C16orf95: variants seen among roughly 807,000 people sequenced by gnomAD.
C16orf95 encodes the protein uncharacterized protein C16orf95.
Under a neutral mutation model 32.1 loss-of-function variants are expected in C16orf95, and 41 were observed. That is an observed-to-expected ratio of 1.28 (90% CI 1.00 to 1.66). The LOEUF (loss-of-function observed/expected upper bound fraction) is 1.66, where lower values mean the gene tolerates loss of function less well. Ranked by LOEUF, C16orf95 falls within the 40% of genes most tolerant of loss-of-function variation. The pLI is 0.00. For synonymous variants in C16orf95, 147 were observed against 128.9 expected (o/e 1.14, Z -0.95); for missense variants, 399 against 325.9 (o/e 1.22, Z -1.73).
At chr16:87,304,336 G>A (rs1052427466) in intron 6 of C16orf95, among the ~76,000 whole-genome samples, 1 of 152,154 alleles carries the variant, frequency 6.6e-6, no homozygotes, top group African/African-American at 2.4e-5. Flanking sequence ...ATCCAGGTGT[G>A]GGCCACTGTG....
intron 3 of C16orf95, among the ~76,000 whole-genome samples, chr16:87,313,384 T>C (rs1378912470): frequency 6.6e-6 from 1 of 152,166 alleles, no homozygotes; most frequent in Non-Finnish European, 1.5e-5. Context: ...TGAACAACTG[T>C]CAGTCCACTT....
chr16:87,303,833 G>A (rs971422089), intron 6 of C16orf95, among the ~76,000 whole-genome samples: 1 of 152,084 alleles, frequency 6.6e-6, no homozygotes, highest in African/African-American at 2.4e-5. Context: ...ACAAGAGCAT[G>A]CCCAGGCCCT....
intron 1 of C16orf95, 22 bp from the exon 2 acceptor site, chr16:87,315,845 G>T (rs759078167): frequency 8.9e-5 from 136 of 1,521,746 alleles, no homozygotes; most frequent in Non-Finnish European, 1.2e-4. Flanking sequence ...GAACAGAAAA[G>T]CTTAGGGTTT....
intron 3 of C16orf95, among the ~76,000 whole-genome samples, chr16:87,311,744 C>T (rs1413173556): frequency 2.0e-5 from 3 of 152,244 alleles, no homozygotes; most frequent in East Asian, 1.9e-4. Context: ...GCCTTTGATG[C>T]GGCAATTCCA....
intron 2 of C16orf95, 65 bp downstream of exon 2, chr16:87,315,707 G>A (rs1597348243): frequency 8.7e-6 from 11 of 1,260,270 alleles, no homozygotes; most frequent in South Asian, 7.6e-5. Context: ...CACATTCCCT[G>A]CTCTCCTCAC....
chr16:87,316,651 G>C (rs371549599), intron 1 of C16orf95, among the ~76,000 whole-genome samples: 25 of 151,010 alleles, frequency 1.7e-4, no homozygotes, highest in South Asian at 1.2e-3. Context: ...TGGTGGGGAG[G>C]GGGGGGGCCA....
intron 5 of C16orf95, among the ~76,000 whole-genome samples, chr16:87,307,925 A>T (rs902475207): frequency 4.6e-5 from 7 of 152,220 alleles, no homozygotes; most frequent in African/African-American, 1.7e-4. Flanking sequence ...GTCTTTTTTT[A>T]CATCATTAAC....
At position 87,311,216 on chromosome 16, in the gene C16orf95, G is replaced by A; in HGVS notation, c.411C>T (p.Leu137=). The A allele has an allele frequency of 3.9e-6, 6 of 1,535,916 alleles. No homozygotes were observed. Among genetic ancestry groups the A allele is most frequent in the Non-Finnish European group, 5.2e-6 (6 of 1,146,706 alleles). ...TCACTGCCTGGTCCCTAGGCATCGG[G>A]AGGCGGCCCCCAAAGCGGTGGCATA... ...PCLCHRFGGR[L]PMPRDQAVMP... is the part of the protein sequence containing the mutation. Residue 137 remains leucine, a synonymous_variant, in exon 4 of 7, where the codon CTC becomes CTT. Transcript: ENST00000567970.
chr16:87,316,682 G>A (rs1051978450), intron 1 of C16orf95, among the ~76,000 whole-genome samples: 2 of 152,092 alleles, frequency 1.3e-5, no homozygotes, highest in South Asian at 4.2e-4. Flanking sequence ...AGTCCTTGTA[G>A]TTCAGGTGGG....
At position 87,317,201 on chromosome 16, in the gene C16orf95, G is replaced by C. The variant is rs1904387749; in HGVS notation, c.42C>G (p.His14Gln). Residue 14 changes from histidine (H) to glutamine (Q), a missense_variant, in exon 1 of 7, where the codon CAC (histidine) becomes CAG (glutamine). Coordinates refer to ENST00000567970, the MANE Select transcript of C16orf95 (RefSeq NM_001195124.3). ...SRSPPSPRRC[H>Q]HHHEATGAAS... The stretch of plus-strand genomic sequence containing the variant: ...CTGCTCCAGTGGCCTCATGATGATG[G>C]TGACAACGCCGCGGGGACGGTGGGG... 1.3e-6 allele frequency: 2 copies of C among 1,531,060 alleles called. No homozygotes were observed. Among genetic ancestry groups the C allele is most frequent in the Admixed American group, 2.0e-5 (1 of 50,178 alleles). 94.8% of individuals were successfully genotyped at this position (1,531,060 alleles called of 1,614,324 possible).
In C16orf95 at chr16:87,305,612, A is replaced by G; in HGVS notation, c.701+107T>C. 2 of 1,026,958 alleles carry G rather than the reference A, an allele frequency of 1.9e-6. No individual in the cohort carries two copies. The highest frequency in any genetic ancestry group is 3.0e-5 in the Admixed American group (1 of 32,902). 63.6% of individuals were successfully genotyped at this position (1,026,958 alleles called of 1,614,324 possible). A position where few individuals can be genotyped will look rare whatever the true frequency, so the allele number is the denominator to read the frequency against. ...CCGGGCCTTGGACGCCTGTCAAGTT[A>G]AGCCCCACCCCCCACTCTTCCACAT... is the stretch of plus-strand genomic sequence containing the variant. On this transcript the variant is annotated intron_variant, in intron 6 of 6. Coordinates refer to ENST00000567970, the MANE Select transcript of C16orf95 (RefSeq NM_001195124.3). This position sits in a 1 kb window ranked among gnomAD's most constrained non-coding sequence, Gnocchi z 4.2.
Position 87,305,115 on chromosome 16 carries a change from T to A in C16orf95, c.701+604A>T, listed in dbSNP as rs1185861022. On this transcript the variant is annotated intron_variant, in intron 6 of 6. Coordinates refer to ENST00000567970, the MANE Select transcript of C16orf95 (RefSeq NM_001195124.3). This position sits in a 1 kb window ranked among gnomAD's most constrained non-coding sequence, Gnocchi z 4.2. ...GTAAAGGAGTAAGAGGAAGTAGCTG[T>A]TCCCCGAAGCCCAGCTGTGGCCCGG... 6.6e-6 allele frequency among the ~76,000 whole-genome samples: 1 copy of A among 152,152 alleles called. No homozygotes were observed. Among genetic ancestry groups the A allele is most frequent in the Non-Finnish European group, 1.5e-5 (1 of 68,006 alleles).
At chr16:87,314,879 A>C in intron 3 of C16orf95, 92 bp downstream of exon 3, 1 of 1,056,872 alleles carries the variant, frequency 9.5e-7, no homozygotes, top group Non-Finnish European at 1.3e-6. Context: ...TAAAATATCC[A>C]TTCATATAAT....
chr16:87,308,464 G>T (rs1409076603), intron 5 of C16orf95, among the ~76,000 whole-genome samples: 2 of 150,716 alleles, frequency 1.3e-5, no homozygotes, highest in Non-Finnish European at 2.9e-5. Context: ...GTGACAAAGT[G>T]AGACTGCATC....
chr16:87,305,723 T>C lies in C16orf95; in HGVS notation c.697A>G (p.Ile233Val), dbSNP rs1910988767. 5.3e-6 allele frequency: 8 copies of C among 1,503,064 alleles called. No homozygotes were observed. The highest frequency in any genetic ancestry group is 7.1e-6 in the Non-Finnish European group (8 of 1,131,656). The allele number at this position is 1,503,064 out of a possible 1,614,324, so 93.1% of individuals were successfully genotyped here. A position where few individuals can be genotyped will look rare whatever the true frequency, so the allele number is the denominator to read the frequency against. ...LQAIPRVIMA[I>V]RQCFGV is the part of the protein sequence containing the mutation. ...CCCCATCCCCCACCTGCTCACCGAATGGCCATGATGACCCTCGGGATGGCC... is the reference window on the plus strand; with the variant it reads ...CCCCATCCCCCACCTGCTCACCGAACGGCCATGATGACCCTCGGGATGGCC... The change falls in exon 6 of 7, where the codon ATT becomes GTT. Residue 233 changes from isoleucine (I) to valine (V), a missense_variant. Transcript: ENST00000567970. The surrounding 1 kb of genome is among the most constrained non-coding windows in gnomAD (Gnocchi z 4.2).
At chr16:87,314,071 A>C (rs1384930339) in intron 3 of C16orf95, among the ~76,000 whole-genome samples, 1 of 152,180 alleles carries the variant, frequency 6.6e-6, no homozygotes, top group Admixed American at 6.5e-5. Flanking sequence ...AGACACTGCT[A>C]GTAGAGATGT....
intron 6 of C16orf95, among the ~76,000 whole-genome samples, chr16:87,304,784 C>A (rs1256683217): frequency 6.6e-6 from 1 of 152,224 alleles, no homozygotes; most frequent in African/African-American, 2.4e-5. Flanking sequence ...CGCTCCCAGC[C>A]GTGGCAGAGT....
chr16:87,316,479 T>G (rs1904340439), intron 1 of C16orf95, among the ~76,000 whole-genome samples: 1 of 152,242 alleles, frequency 6.6e-6, no homozygotes, highest in East Asian at 1.9e-4. Flanking sequence ...TAAGTGTTTT[T>G]GGGTTTCATT....
At chr16:87,312,568 CAAAAAAA>C (rs71389850) in intron 3 of C16orf95, among the ~76,000 whole-genome samples, 2 of 86,070 alleles carry the variant, frequency 2.3e-5, no homozygotes, top group South Asian at 4.3e-4. Context: ...GACTCCATCT[CAAAAAAA>C]AAAAAAAAAA....
Sources: allele counts gnomAD v4.1 joint callset (sites outside exome capture counted in the v4.1 genomes callset), GRCh38; gene constraint gnomAD v4.1.1; non-coding constraint Gnocchi (gnomAD v3.1); transcripts MANE v1.5; gene names NCBI Gene and HGNC (gene_info 2026-07-23, HGNC 2026-07-21).